CELF4: variants seen among roughly 807,000 people sequenced by gnomAD.
CELF4 encodes CUG-BP- and ETR-3-like factor 4.
In CELF4, 18 loss-of-function variants were observed where a neutral mutation model predicts 59.9. That is an observed-to-expected ratio of 0.30 (90% CI 0.21 to 0.45). CELF4 has a LOEUF of 0.45. Among genes scored for constraint, CELF4 ranks in the 20% least tolerant of loss-of-function variants. CELF4 has a pLI of 1.00. For missense variants in CELF4, 456 were observed against 689.0 expected, an observed-to-expected ratio of 0.66 and a Z score of 3.79; for synonymous variants, 261 against 267.1, an observed-to-expected ratio of 0.98 and a Z score of 0.22.
At chr18:37,293,226 C>G (rs914133032) in intron 3 of CELF4, among the ~76,000 whole-genome samples, 8 of 152,244 alleles carry the variant, frequency 5.3e-5, no homozygotes, top group Non-Finnish European at 1.0e-4. Flanking sequence ...CGGATCTATT[C>G]TCTCACGGTT....
At chr18:37,369,934 TG>T (rs1483378663) in intron 2 of CELF4, among the ~76,000 whole-genome samples, 1 of 152,234 alleles carries the variant, frequency 6.6e-6, no homozygotes, top group Non-Finnish European at 1.5e-5. Context: ...TCTGGGGCCT[TG>T]GGCTGTGCAA....
chr18:37,478,433 C>T (rs2099856664), intron 2 of CELF4, among the ~76,000 whole-genome samples: 1 of 152,202 alleles, frequency 6.6e-6, no homozygotes, highest in African/African-American at 2.4e-5. Context: ...TGTTAGGGAG[C>T]CTTTCTGGGC....
chr18:37,358,318 C>G (rs1464720701), intron 2 of CELF4, among the ~76,000 whole-genome samples: 1 of 152,210 alleles, frequency 6.6e-6, no homozygotes, highest in Non-Finnish European at 1.5e-5. Context: ...CTGCACAGCT[C>G]TCTCTTTGCC....
intron 1 of CELF4, among the ~76,000 whole-genome samples, chr18:37,502,110 G>A (rs898326829): frequency 2.0e-5 from 3 of 152,138 alleles, no homozygotes; most frequent in Admixed American, 2.0e-4. Context: ...TCGTCTGTGG[G>A]TCTAAATATA....
intron 2 of CELF4, among the ~76,000 whole-genome samples, chr18:37,437,172 A>T (rs1351742928): frequency 2.6e-5 from 4 of 152,176 alleles, no homozygotes; most frequent in African/African-American, 4.8e-5. Context: ...CTCTCAATGC[A>T]GGCCCCACCT....
intron 2 of CELF4, among the ~76,000 whole-genome samples, chr18:37,419,919 C>T (rs948490671): frequency 2.0e-5 from 3 of 152,192 alleles, no homozygotes; most frequent in African/African-American, 4.8e-5. Flanking sequence ...CCGAGGTCGG[C>T]GGGAAGGGTG....
rs138281143 is a variant in CELF4 at position 37,504,710 on chromosome 18, G to A, written c.287-19103C>T. The stretch of plus-strand genomic sequence containing the variant: ...TGAAGCACTGCCTCGGGCGAGGGGC[G>A]GTGCTTAGCACTAAGCACACATTTT... On this transcript the variant is annotated intron_variant, in intron 1 of 12. Coordinates refer to ENST00000420428, the MANE Select transcript of CELF4 (RefSeq NM_020180.4). Among the ~76,000 whole-genome samples, 511 of 152,178 alleles carry A rather than the reference G, an allele frequency of 3.4e-3. 1 individual carries two copies. The highest frequency in any genetic ancestry group is 0.012 in the African/African-American group (486 of 41,508).
downstream of CELF4, chr18:37,242,997 A>G (rs1465444694): frequency 6.6e-6 from 1 of 152,202 alleles, no homozygotes; most frequent in Non-Finnish European, 1.5e-5. Flanking sequence ...GCTGTGAGGC[A>G]CAGCTGGCCA....
chr18:37,395,921 C>T (rs570115548), intron 2 of CELF4, among the ~76,000 whole-genome samples: 5 of 152,308 alleles, frequency 3.3e-5, no homozygotes, highest in East Asian at 1.9e-4. Flanking sequence ...ATCTAACTCC[C>T]GTGCTCTAAG....
At chr18:37,375,434 A>T (rs2098956978) in intron 2 of CELF4, among the ~76,000 whole-genome samples, 1 of 152,088 alleles carries the variant, frequency 6.6e-6, no homozygotes, top group Non-Finnish European at 1.5e-5. Flanking sequence ...GCAGGGACAC[A>T]TCCTAGGGAG....
intron 1 of CELF4, among the ~76,000 whole-genome samples, chr18:37,550,705 G>A (rs935526806): frequency 6.6e-6 from 1 of 152,214 alleles, no homozygotes; most frequent in African/African-American, 2.4e-5. Context: ...GTGGAGTTCT[G>A]CCTGGGCAAC....
At chr18:37,396,214 A>G (rs1241114117) in intron 2 of CELF4, among the ~76,000 whole-genome samples, 2 of 152,144 alleles carry the variant, frequency 1.3e-5, no homozygotes, top group Non-Finnish European at 2.9e-5. Flanking sequence ...GTGCTAGTGG[A>G]TGTGAGGTTG....
intron 8 of CELF4, among the ~76,000 whole-genome samples, chr18:37,267,366 G>T (rs2078162763): frequency 6.6e-6 from 1 of 152,234 alleles, no homozygotes; most frequent in Non-Finnish European, 1.5e-5. Context: ...TGAGAGAAAG[G>T]CTTGGTTCCC....
intron 2 of CELF4, among the ~76,000 whole-genome samples, chr18:37,470,875 T>TGAGAGA (rs2099819653): frequency 2.0e-5 from 2 of 102,032 alleles, no homozygotes; most frequent in African/African-American, 3.8e-5. Context: ...TGTGTGTGTG[T>TGAGAGA]GTGTGTGTGT....
intron 2 of CELF4, among the ~76,000 whole-genome samples, chr18:37,365,646 C>T (rs1016756137): frequency 2.6e-5 from 4 of 151,976 alleles, no homozygotes; most frequent in Admixed American, 6.6e-5. Context: ...CCGCCACACT[C>T]GGCTAATTTT....
At chr18:37,409,966 T>G (rs570475980) in intron 2 of CELF4, among the ~76,000 whole-genome samples, 3 of 152,282 alleles carry the variant, frequency 2.0e-5, no homozygotes, top group Admixed American at 2.0e-4. Flanking sequence ...CTGAAAGCTC[T>G]TCTCTCTCAG....
chr18:37,414,503 C>CTTTTTTTTTTT (rs55943928), intron 2 of CELF4, among the ~76,000 whole-genome samples: 5 of 116,066 alleles, frequency 4.3e-5, no homozygotes, highest in Admixed American at 1.1e-4. Context: ...CTTTTCTTTT[C>CTTTTTTTTTTT]TTTTTTTTTT....
intron 1 of CELF4, among the ~76,000 whole-genome samples, chr18:37,518,326 C>G (rs1413255502): frequency 6.6e-6 from 1 of 152,170 alleles, no homozygotes; most frequent in African/African-American, 2.4e-5. Flanking sequence ...TTAGCAGACC[C>G]CTGGGCAATA....
chr18:37,259,353 C>T (rs1226210419), intron 10 of CELF4, 89 bp from the exon 11 acceptor site: 8 of 349,090 alleles, frequency 2.3e-5, no homozygotes, highest in Admixed American at 4.9e-5. Flanking sequence ...AGTTAGGCAG[C>T]GCAGCAGGGA....
Sources: gnomAD v4.1 joint callset for allele counts (sites outside exome capture counted in the v4.1 genomes callset) on GRCh38, gnomAD v4.1.1 for gene constraint, MANE v1.5 for transcripts, NCBI Gene and HGNC (gene_info 2026-07-23, HGNC 2026-07-21) for gene names.